Variants in PRKCH observed in about 807,000 individuals in gnomAD.
The protein encoded by PRKCH is protein kinase C eta, also known as protein kinase C eta type.
Under a neutral mutation model 82.5 loss-of-function variants are expected in PRKCH, and 28 were observed. That is an observed-to-expected ratio of 0.34 (90% CI 0.25 to 0.47). The LOEUF (loss-of-function observed/expected upper bound fraction) is 0.47, where lower values mean the gene tolerates loss of function less well. Among genes scored for constraint, PRKCH ranks in the 20% least tolerant of loss-of-function variants. PRKCH has a pLI of 1.00. For synonymous variants in PRKCH, 322 were observed against 327.4 expected, an observed-to-expected ratio of 0.98 and a Z score of 0.18; for missense variants, 705 against 881.8, an observed-to-expected ratio of 0.80 and a Z score of 2.54.
intron 1 of PRKCH, among the ~76,000 whole-genome samples, chr14:61,362,822 C>T (rs1262241244): frequency 6.6e-6 from 1 of 152,212 alleles, no homozygotes; most frequent in East Asian, 1.9e-4. Context: ...GGGATGGCAT[C>T]TGTCTTGGAG....
At chr14:61,206,253 C>A (rs967272286) in intron 1 of PRKCH, among the ~76,000 whole-genome samples, 4 of 152,194 alleles carry the variant, frequency 2.6e-5, no homozygotes, top group Non-Finnish European at 5.9e-5. Context: ...AGTCTGAAAT[C>A]AAGGTGTCAT....
intron 10 of PRKCH, among the ~76,000 whole-genome samples, chr14:61,516,453 C>T (rs1156334077): frequency 6.6e-6 from 1 of 152,170 alleles, no homozygotes; most frequent in African/African-American, 2.4e-5. Flanking sequence ...TATAATGACT[C>T]ACACTTGCAC....
intron 1 of PRKCH, among the ~76,000 whole-genome samples, chr14:61,262,264 T>G (rs77641285): frequency 0.046 from 6,699 of 144,340 alleles, 199 homozygotes; most frequent in Non-Finnish European, 0.066. Flanking sequence ...TCATAATAGC[T>G]CCAAACTGGA....
At chr14:61,369,895 T>C (rs1267780119) in intron 1 of PRKCH, among the ~76,000 whole-genome samples, 1 of 152,130 alleles carries the variant, frequency 6.6e-6, no homozygotes, top group Non-Finnish European at 1.5e-5. Flanking sequence ...CAAGCAGTAA[T>C]ACATATGCAT....
At chr14:61,213,431 A>G (rs74054761) in intron 1 of PRKCH, among the ~76,000 whole-genome samples, 6,726 of 152,294 alleles carry the variant, frequency 0.044, 319 homozygotes, top group African/African-American at 0.12. Context: ...ACACTCTCCC[A>G]ATCCTTGCTG....
intron 1 of PRKCH, among the ~76,000 whole-genome samples, chr14:61,349,015 A>G (rs1046134102): frequency 1.3e-5 from 2 of 152,260 alleles, no homozygotes; most frequent in African/African-American, 2.4e-5. Context: ...GTTAAATGGA[A>G]TCATCCAGAG....
At chr14:61,282,270 CTTTTT>C (rs10719485) in intron 1 of PRKCH, among the ~76,000 whole-genome samples, 1 of 129,350 alleles carries the variant, frequency 7.7e-6, no homozygotes, top group African/African-American at 2.7e-5. Context: ...GGGATTCTGG[CTTTTT>C]TTTTTTTTTT....
intron 12 of PRKCH, among the ~76,000 whole-genome samples, chr14:61,534,715 ACG>A (rs1954312822): frequency 2.0e-5 from 3 of 152,278 alleles, no homozygotes; most frequent in Admixed American, 6.5e-5. Flanking sequence ...AGATGAGGAA[ACG>A]GGCCCAGAGA....
chr14:61,300,091 C>G (rs2045437711), intron 1 of PRKCH, among the ~76,000 whole-genome samples: 1 of 152,144 alleles, frequency 6.6e-6, no homozygotes, highest in Non-Finnish European at 1.5e-5. Flanking sequence ...TTCTCTACTT[C>G]ACTTTATCTC....
At position 61,391,576 on chromosome 14, in the gene PRKCH, T is replaced by C. The variant is rs1297646463; in HGVS notation, c.427+288T>C. Among the ~76,000 whole-genome samples, 7 of 149,054 alleles carry C rather than the reference T, an allele frequency of 4.7e-5. No homozygotes were observed. In the East Asian group the frequency reaches 1.4e-3, roughly 29 times the overall value. On this transcript the variant is annotated intron_variant, in intron 2 of 13. Coordinates refer to ENST00000332981, the MANE Select transcript of PRKCH (RefSeq NM_006255.5). Reference sequence around the variant, plus strand: ...TAGCTGAATGGTTTTTGCGTCTTTTTGGTTCATGACTGTGGAACTCTACGT... The same window carrying C: ...TAGCTGAATGGTTTTTGCGTCTTTTCGGTTCATGACTGTGGAACTCTACGT...
intron 1 of PRKCH, among the ~76,000 whole-genome samples, chr14:61,210,790 C>G (rs11621689): frequency 0.56 from 77,913 of 138,512 alleles, 22,363 homozygotes; most frequent in Admixed American, 0.66. Context: ...CTCTCTCTCT[C>G]TGTGTGTGTG....
chr14:61,549,851 G>A lies in PRKCH; in HGVS notation c.*20G>A, dbSNP rs747251270. 2 of 1,608,938 alleles carry A rather than the reference G, an allele frequency of 1.2e-6. No individual in the cohort carries two copies. Among genetic ancestry groups the A allele is most frequent in the Admixed American group, 1.7e-5 (1 of 59,144 alleles). ...CCATAGCCTTATGGGGAGTGAGAGAGAGGGCACGAGAACCCAAAGGGAATA... is the reference window on the plus strand; with the variant it reads ...CCATAGCCTTATGGGGAGTGAGAGAAAGGGCACGAGAACCCAAAGGGAATA... On this transcript the variant is annotated 3_prime_UTR_variant, in exon 14 of 14. Transcript: ENST00000332981.
At chr14:61,195,807 G>A (rs1248782788) in intron 1 of PRKCH, among the ~76,000 whole-genome samples, 1 of 152,036 alleles carries the variant, frequency 6.6e-6, no homozygotes, top group Non-Finnish European at 1.5e-5. Flanking sequence ...GAGAGAGAGA[G>A]CAAACTTCTG....
At chr14:61,450,156 C>G (rs1396434981) in intron 5 of PRKCH, among the ~76,000 whole-genome samples, 1 of 152,042 alleles carries the variant, frequency 6.6e-6, no homozygotes, top group Non-Finnish European at 1.5e-5. Flanking sequence ...AAGAAAGAGG[C>G]CATAAAAGTT....
chr14:61,486,687 T>TC lies in PRKCH; in HGVS notation c.1433+1031_1433+1032insC, dbSNP rs111448028. Among the ~76,000 whole-genome samples the TC allele has an allele frequency of 1.9e-3, 289 of 151,538 alleles. 2 individuals are homozygous for TC. The highest frequency in any genetic ancestry group is 5.9e-3 in the African/African-American group (245 of 41,186). On this transcript the variant is annotated intron_variant, in intron 10 of 13. Transcript: ENST00000332981. The stretch of plus-strand genomic sequence containing the variant: ...TATTTCTTTTCTTTCTTTCTTTCTT[T>TC]TTTTTTTTTTAAGACAGTGTCTTGC...
At chr14:61,244,888 C>T (rs1448934680) in intron 1 of PRKCH, among the ~76,000 whole-genome samples, 1 of 152,150 alleles carries the variant, frequency 6.6e-6, no homozygotes, top group Admixed American at 6.5e-5. Context: ...GTCTTTGAGG[C>T]TTATGGTTAT....
intron 9 of PRKCH, among the ~76,000 whole-genome samples, chr14:61,466,654 T>C (rs1168057623): frequency 6.6e-6 from 1 of 152,202 alleles, no homozygotes; most frequent in East Asian, 1.9e-4. Context: ...AAACAGCCTC[T>C]CACTAGCAGG....
chr14:61,411,040 G>C (rs1882241758), intron 2 of PRKCH, among the ~76,000 whole-genome samples: 1 of 152,196 alleles, frequency 6.6e-6, no homozygotes, highest in Admixed American at 6.5e-5. Flanking sequence ...GGACTTCCAA[G>C]CCTGGATATC....
At chr14:61,205,934 A>T (rs189599071) in intron 1 of PRKCH, among the ~76,000 whole-genome samples, 2 of 152,084 alleles carry the variant, frequency 1.3e-5, no homozygotes, top group African/African-American at 4.8e-5. Context: ...TTTTCCTCAC[A>T]TGTGCTTCCT....
Sources: allele counts gnomAD v4.1 joint callset (sites outside exome capture counted in the v4.1 genomes callset), GRCh38; gene constraint gnomAD v4.1.1; transcripts MANE v1.5; gene names NCBI Gene and HGNC (gene_info 2026-07-23, HGNC 2026-07-21).